CCNB1IP1: variants seen among roughly 807,000 people sequenced by gnomAD.
CCNB1IP1 encodes cyclin B1 interacting protein 1.
CCNB1IP1 carries 14 observed loss-of-function variants against 25.6 expected under a neutral mutation model. The observed-to-expected ratio is 0.55, with a 90% CI of 0.36 to 0.85. The LOEUF is 0.85. Among genes scored for constraint, CCNB1IP1 ranks in the 40% least tolerant of loss-of-function variants. The probability of loss-of-function intolerance (pLI) is 0.01; values close to 1 mark genes in which losing one functional copy is unlikely to be tolerated. For synonymous variants in CCNB1IP1, 119 were observed against 116.1 expected (o/e 1.02, Z -0.16); for missense variants, 278 against 342.4 (o/e 0.81, Z 1.48).
In CCNB1IP1 at chr14:20,329,299, G is replaced by A. The variant is rs1883167922; in HGVS notation, c.-356C>T. On this transcript the variant is annotated 5_prime_UTR_variant, in exon 2 of 7. Coordinates refer to ENST00000358932, the MANE Select transcript of CCNB1IP1 (RefSeq NM_021178.5). ...ATCCAAGCCCATATGATTTTCAGGG[G>A]GTCTACAGATGGGCCAGTTCTGGAC... is the stretch of plus-strand genomic sequence containing the variant. The A allele has an allele frequency of 6.6e-6, 1 of 152,158 alleles. No homozygotes were observed. The highest frequency in any genetic ancestry group is 6.5e-5 in the Admixed American group (1 of 15,284). The allele number at this position is 152,158 out of a possible 1,614,324, so 9.4% of individuals were successfully genotyped here. A position where few individuals can be genotyped will look rare whatever the true frequency, so the allele number is the denominator to read the frequency against.
chr14:20,312,407 G>T (rs1290925825), intron 6 of CCNB1IP1, among the ~76,000 whole-genome samples: 1 of 151,232 alleles, frequency 6.6e-6, no homozygotes, highest in Non-Finnish European at 1.5e-5. Context: ...GTAGAGACAG[G>T]GTCTCACTAT....
intron 2 of CCNB1IP1, among the ~76,000 whole-genome samples, chr14:20,328,115 G>C (rs2138873561): frequency 6.6e-6 from 1 of 152,270 alleles, no homozygotes; most frequent in South Asian, 2.1e-4. Flanking sequence ...TATCTGTCAA[G>C]CTGTATAGAA....
intron 4 of CCNB1IP1, chr14:20,317,729 C>T (rs529056848): frequency 6.6e-6 from 1 of 152,352 alleles, no homozygotes; most frequent in Admixed American, 6.5e-5. Context: ...AGAAATTACA[C>T]TCTGGAATTT....
intron 2 of CCNB1IP1, 107 bp downstream of exon 2, chr14:20,329,067 T>C (rs1431094505): frequency 1.3e-5 from 2 of 152,244 alleles, no homozygotes; most frequent in African/African-American, 4.8e-5. Context: ...TTCATCACCA[T>C]TCCTTTTGAC....
chr14:20,315,784 G>C, intron 5 of CCNB1IP1: 1 of 1,260,826 alleles, frequency 7.9e-7, no homozygotes, highest in Non-Finnish European at 1.0e-6. Context: ...TTCATACCAA[G>C]TGAAGCACAG....
At chr14:20,332,026 A>ATATATATTT (rs59034398) in intron 1 of CCNB1IP1, among the ~76,000 whole-genome samples, 2 of 40,742 alleles carry the variant, frequency 4.9e-5, no homozygotes, top group African/African-American at 1.7e-4. Flanking sequence ...ATATATATAT[A>ATATATATTT]TTTTTTTTTT....
In CCNB1IP1 at chr14:20,311,431, C is replaced by T. The variant is rs1423220086; in HGVS notation, c.*119G>A. 2 of 775,910 alleles carry T rather than the reference C, an allele frequency of 2.6e-6. No individual in the cohort carries two copies. Among genetic ancestry groups the T allele is most frequent in the Non-Finnish European group, 4.4e-6 (2 of 457,206 alleles). 48.1% of individuals were successfully genotyped at this position (775,910 alleles called of 1,614,324 possible). The stretch of plus-strand genomic sequence containing the variant: ...ACAGGGTCTCACTCTGTTGCCCAGG[C>T]TGGAGTGCAGTGGCATGATCTTAGA... On this transcript the variant is annotated 3_prime_UTR_variant, in exon 7 of 7. Transcript: ENST00000358932.
chr14:20,319,343 C>T (rs1386462069), intron 4 of CCNB1IP1, among the ~76,000 whole-genome samples: 1 of 151,912 alleles, frequency 6.6e-6, no homozygotes, highest in African/African-American at 2.4e-5. Flanking sequence ...AAACCAGTTC[C>T]AAAAAAAGGA....
At chr14:20,324,840 G>A (rs1413179095) in intron 4 of CCNB1IP1, among the ~76,000 whole-genome samples, 1 of 151,114 alleles carries the variant, frequency 6.6e-6, no homozygotes. Flanking sequence ...TCTTTTTTTT[G>A]GAGACGGAAT....
intron 5 of CCNB1IP1, chr14:20,314,551 G>T (rs1882613266): frequency 6.6e-6 from 1 of 152,120 alleles, no homozygotes; most frequent in Non-Finnish European, 1.5e-5. Context: ...CTTGGATTTG[G>T]CAGTGACTTT....
intron 2 of CCNB1IP1, among the ~76,000 whole-genome samples, chr14:20,328,241 C>T (rs895872756): frequency 2.2e-4 from 34 of 152,086 alleles, no homozygotes; most frequent in African/African-American, 7.5e-4. Flanking sequence ...AATTCAATTC[C>T]ATCAAAACTC....
In CCNB1IP1 at chr14:20,323,661, G is replaced by A. The variant is rs901513993; in HGVS notation, c.-38+1878C>T. On this transcript the variant is annotated intron_variant, in intron 4 of 6. Transcript: ENST00000358932. ...TAAGAACTAGAGGCCGGGCGTGGTG[G>A]CTCACGCCTATAATCCCAGCACTTT... 3.9e-5 allele frequency among the ~76,000 whole-genome samples: 6 copies of A among 152,224 alleles called. No homozygotes were observed. The East Asian group carries it at 9.7e-4, about 24-fold the overall frequency.
chr14:20,327,612 T>G (rs1883115709), intron 2 of CCNB1IP1, among the ~76,000 whole-genome samples: 1 of 151,322 alleles, frequency 6.6e-6, no homozygotes, highest in African/African-American at 2.4e-5. Context: ...AATTACTAGC[T>G]AGAAAATTTT....
rs1176246517 is a variant in CCNB1IP1, at chr14:20,311,690, C to T, written c.694G>A (p.Asp232Asn). The T allele has an allele frequency of 6.2e-7, 1 of 1,613,988 alleles. No homozygotes were observed. The highest frequency in any genetic ancestry group is 8.5e-7 in the Non-Finnish European group (1 of 1,180,032). ...GCAAAAAATGGTCTGAACTGAAAATCTCCATCTCCATCGCCCCGATTTCGA... is the reference window on the plus strand; with the variant it reads ...GCAAAAAATGGTCTGAACTGAAAATTTCCATCTCCATCGCCCCGATTTCGA... ...PVRNRGDGDGDFQFRPFFAGS... is the reference protein window; with the variant it reads ...PVRNRGDGDGNFQFRPFFAGS... Residue 232 changes from aspartate to asparagine, a missense_variant, in exon 7 of 7, where the codon GAT becomes AAT. Coordinates refer to ENST00000358932, the MANE Select transcript of CCNB1IP1 (RefSeq NM_021178.5).
rs747564615 is a variant in CCNB1IP1 at position 20,313,717 on chromosome 14, G to A, written c.382C>T (p.Gln128Ter). Residue 128 changes from glutamine to a stop codon, truncating the protein, a stop_gained, in exon 6 of 7, where the codon CAA (glutamine) becomes TAA (stop). Transcript: ENST00000358932. LOFTEE classifies it high-confidence loss of function. ...AATTCTACATCCTTGCTTTGTATTT[G>A]CTGAGTATATATCTTCTCCATCTGT... Reference protein sequence around the residue: ...LKQMEKIYTQQIQSKDVELTS... With the variant: ...LKQMEKIYTQ 6.2e-7 allele frequency: 1 copy of A among 1,613,964 alleles called. No individual in the cohort carries two copies. Among genetic ancestry groups the A allele is most frequent in the Admixed American group, 1.7e-5 (1 of 60,008 alleles).
At chr14:20,313,377 TATC>T in intron 6 of CCNB1IP1, 88 bp downstream of exon 6, 1 of 1,026,078 alleles carries the variant, frequency 9.7e-7, no homozygotes, top group Non-Finnish European at 1.4e-6. Context: ...GTCTTATCCT[TATC>T]GTCTCGACTG....
chr14:20,329,132 A>C (rs1041025849), intron 2 of CCNB1IP1, 42 bp downstream of exon 2: 6 of 152,232 alleles, frequency 3.9e-5, no homozygotes, highest in African/African-American at 1.4e-4. Context: ...TGGTAACTCG[A>C]ATCTCTAAGC....
chr14:20,330,115 AAAAC>A (rs377705943), intron 1 of CCNB1IP1, among the ~76,000 whole-genome samples: 11,330 of 145,008 alleles, frequency 0.078, 691 homozygotes, highest in African/African-American at 0.17. Context: ...AAAAAAAAAA[AAAAC>A]AAAAAACATG....
chr14:20,321,070 G>A (rs1377745123), intron 4 of CCNB1IP1, among the ~76,000 whole-genome samples: 2 of 151,720 alleles, frequency 1.3e-5, no homozygotes, highest in African/African-American at 4.8e-5. Flanking sequence ...CCTGGAAGGC[G>A]GGTTTGCAGT....
Sources: gnomAD v4.1 joint callset for allele counts (sites outside exome capture counted in the v4.1 genomes callset) on GRCh38, gnomAD v4.1.1 for gene constraint, MANE v1.5 for transcripts, NCBI Gene and HGNC (gene_info 2026-07-23, HGNC 2026-07-21) for gene names.